The following CREB5 variants were observed in gnomAD, a reference collection of about 807,000 sequenced individuals.
The protein encoded by CREB5 is cAMP responsive element binding protein 5.
A neutral mutation model predicts 57.1 loss-of-function variants in CREB5; 19 were observed. The observed-to-expected ratio is 0.33, with a 90% CI of 0.23 to 0.49. CREB5 has a LOEUF of 0.49. CREB5 is among the 20% of genes least tolerant of loss of function. The probability of loss-of-function intolerance (pLI) is 0.99; values close to 1 mark genes in which losing one functional copy is unlikely to be tolerated. For missense variants in CREB5, 579 were observed against 671.6 expected, an observed-to-expected ratio of 0.86 and a Z score of 1.52; for synonymous variants, 238 against 238.3, an observed-to-expected ratio of 1.00 and a Z score of 0.01.
At chr7:28,453,039 A>C (rs948286554) in intron 1 of CREB5, among the ~76,000 whole-genome samples, 6 of 152,242 alleles carry the variant, frequency 3.9e-5, no homozygotes, top group African/African-American at 1.4e-4. Context: ...TGATTTTCCC[A>C]AATGGCGAGT....
intron 1 of CREB5, among the ~76,000 whole-genome samples, chr7:28,314,858 C>A (rs4722784): frequency 0.96 from 145,887 of 152,228 alleles, 70,207 homozygotes; most frequent in East Asian, 1. Context: ...AATTTGGCAA[C>A]TGCTGCCAAT....
intron 1 of CREB5, among the ~76,000 whole-genome samples, chr7:28,484,462 T>A (rs1447522837): frequency 6.6e-6 from 1 of 152,186 alleles, no homozygotes; most frequent in African/African-American, 2.4e-5. Flanking sequence ...AGAATGCTGT[T>A]TGCAGAGGGC....
At chr7:28,731,428 T>G (rs1407249806) in intron 7 of CREB5, among the ~76,000 whole-genome samples, 7 of 152,206 alleles carry the variant, frequency 4.6e-5, no homozygotes, top group African/African-American at 1.7e-4. Context: ...ATTATGTGTC[T>G]TGAAAACAAG....
At chr7:28,743,838 C>CTTTT (rs58302393) in intron 7 of CREB5, among the ~76,000 whole-genome samples, 847 of 75,924 alleles carry the variant, frequency 0.011, no homozygotes, top group African/African-American at 0.015. Flanking sequence ...ATCTCCTTTT[C>CTTTT]TTTTTTTTTT....
At chr7:28,730,297 C>T (rs1304077873) in intron 7 of CREB5, among the ~76,000 whole-genome samples, 2 of 152,046 alleles carry the variant, frequency 1.3e-5, no homozygotes, top group South Asian at 2.1e-4. Flanking sequence ...AATCCTCCCA[C>T]GTACTAGGTG....
intron 4 of CREB5, among the ~76,000 whole-genome samples, chr7:28,517,472 T>C (rs1793019541): frequency 6.6e-6 from 1 of 152,200 alleles, no homozygotes; most frequent in Non-Finnish European, 1.5e-5. Flanking sequence ...CTGATTTTAG[T>C]ATCAGAACCA....
chr7:28,722,277 C>T (rs1415296032), intron 6 of CREB5, among the ~76,000 whole-genome samples: 1 of 152,148 alleles, frequency 6.6e-6, no homozygotes, highest in Admixed American at 6.5e-5. Context: ...TTGGAAGGCT[C>T]TGGACAATTA....
chr7:28,618,152 G>A (rs1459596356), intron 5 of CREB5, among the ~76,000 whole-genome samples: 1 of 152,164 alleles, frequency 6.6e-6, no homozygotes, highest in Non-Finnish European at 1.5e-5. Flanking sequence ...GGGAGCTGGA[G>A]GGGACTATCA....
chr7:28,640,389 C>G (rs1244029685), intron 5 of CREB5, among the ~76,000 whole-genome samples: 1 of 152,100 alleles, frequency 6.6e-6, no homozygotes, highest in Non-Finnish European at 1.5e-5. Context: ...AAAAGCTTAC[C>G]AAACATCTTT....
Position 28,412,891 on chromosome 7 carries a change from G to C in CREB5, c.-24G>C. 1 of 1,489,750 alleles carries C rather than the reference G, an allele frequency of 6.7e-7. No individual in the cohort carries two copies. Among genetic ancestry groups the C allele is most frequent in the East Asian group, 2.4e-5 (1 of 41,750 alleles). The allele number at this position is 1,489,750 out of a possible 1,614,324, so 92.3% of individuals were successfully genotyped here. On this transcript the variant is annotated 5_prime_UTR_variant, in exon 1 of 11. Coordinates refer to ENST00000357727, the MANE Select transcript of CREB5 (RefSeq NM_182898.4). ...ATTTGGTGACTGCAGGAAGCAACACGTTGCTGCTTTTATTCTACAGATAAT... is the reference window on the plus strand; with the variant it reads ...ATTTGGTGACTGCAGGAAGCAACACCTTGCTGCTTTTATTCTACAGATAAT...
chr7:28,576,187 A>G (rs1405766899), intron 5 of CREB5, among the ~76,000 whole-genome samples: 1 of 152,214 alleles, frequency 6.6e-6, no homozygotes, highest in Admixed American at 6.5e-5. Flanking sequence ...AGAAAATCAG[A>G]GGTAACTCCC....
chr7:28,334,883 T>C (rs10270144), intron 1 of CREB5, among the ~76,000 whole-genome samples: 7,215 of 152,238 alleles, frequency 0.047, 550 homozygotes, highest in African/African-American at 0.16. Flanking sequence ...TTTTTGTATA[T>C]GGTGAGAAAT....
At chr7:28,588,252 A>G (rs76403483) in intron 5 of CREB5, among the ~76,000 whole-genome samples, 3,492 of 152,278 alleles carry the variant, frequency 0.023, 151 homozygotes, top group African/African-American at 0.08. Flanking sequence ...CCTATATTGT[A>G]AAGTCAGATC....
At chr7:28,460,437 C>T (rs929504348) in intron 1 of CREB5, among the ~76,000 whole-genome samples, 11 of 152,178 alleles carry the variant, frequency 7.2e-5, no homozygotes, top group Admixed American at 2.0e-4. Flanking sequence ...AGAGACGAAG[C>T]ATAGACCCCT....
intron 1 of CREB5, among the ~76,000 whole-genome samples, chr7:28,307,290 A>C: frequency 6.6e-6 from 1 of 152,164 alleles, no homozygotes; most frequent in Admixed American, 6.5e-5. Context: ...ATCTGATTAG[A>C]CCATGAAGGC....
At chr7:28,416,970 G>A (rs1468396495) in intron 1 of CREB5, among the ~76,000 whole-genome samples, 2 of 152,128 alleles carry the variant, frequency 1.3e-5, no homozygotes, top group Admixed American at 6.5e-5. Flanking sequence ...AACAAAAGGG[G>A]GGAAGAAGAG....
intron 1 of CREB5, among the ~76,000 whole-genome samples, chr7:28,476,293 A>T (rs942703932): frequency 3.9e-5 from 6 of 152,218 alleles, no homozygotes; most frequent in Non-Finnish European, 8.8e-5. Context: ...ATTACCTTCA[A>T]CATCCTTTGG....
At chr7:28,407,091 C>G (rs756921053) in intron 1 of CREB5, among the ~76,000 whole-genome samples, 6 of 151,740 alleles carry the variant, frequency 4.0e-5, no homozygotes, top group Non-Finnish European at 8.8e-5. Flanking sequence ...CTCTTGTCAC[C>G]CAGGTTGGAG....
chr7:28,436,499 A>G (rs541855726), intron 1 of CREB5, among the ~76,000 whole-genome samples: 23 of 152,260 alleles, frequency 1.5e-4, no homozygotes, highest in African/African-American at 4.8e-4. Context: ...AGATCTGAAG[A>G]GGATGGATTT....
Sources: gnomAD v4.1 joint callset for allele counts (sites outside exome capture counted in the v4.1 genomes callset) on GRCh38, gnomAD v4.1.1 for gene constraint, MANE v1.5 for transcripts, NCBI Gene and HGNC (gene_info 2026-07-23, HGNC 2026-07-21) for gene names.